Variants in LSM12 observed in about 807,000 individuals in gnomAD.
LSM12 encodes the protein LSM12 homolog.
For missense variants in LSM12, 108 were observed against 238.9 expected (o/e 0.45, Z 3.61); for synonymous variants, 74 against 87.3 (o/e 0.85, Z 0.85).
chr17:44,063,680 GAACA>G lies in LSM12; in HGVS notation c.258+117_258+120del, dbSNP rs544376001. 2.7e-4 allele frequency: 318 copies of G among 1,172,522 alleles called. 2 individuals are homozygous for G. In the East Asian group the frequency reaches 7.5e-3, roughly 28 times the overall value. The allele number at this position is 1,172,522 out of a possible 1,614,324, so 72.6% of individuals were successfully genotyped here. ...ACCTACATTTTTTAAAAAGATATCAGAACAAACAATTTTAAGTCAATTTTAAAAA... is the reference window on the plus strand; with the variant it reads ...ACCTACATTTTTTAAAAAGATATCAGAACAATTTTAAGTCAATTTTAAAAA... On this transcript the variant is annotated intron_variant, in intron 2 of 4. Transcript: ENST00000293406.
intron 3 of LSM12, among the ~76,000 whole-genome samples, chr17:44,038,578 C>G (rs1392790666): frequency 1.3e-5 from 2 of 152,100 alleles, no homozygotes; most frequent in Non-Finnish European, 2.9e-5. Context: ...TCGCTTGAAC[C>G]TGGGAGGCAG....
intron 2 of LSM12, 43 bp from the exon 3 acceptor site, chr17:44,040,299 T>C (rs780281750): frequency 1.4e-6 from 2 of 1,467,512 alleles, no homozygotes; most frequent in Non-Finnish European, 1.9e-6. Context: ...AGGATTCATC[T>C]TCATTCTTGC....
intron 2 of LSM12, among the ~76,000 whole-genome samples, chr17:44,058,927 C>G (rs929369526): frequency 2.0e-5 from 3 of 151,878 alleles, no homozygotes; most frequent in African/African-American, 7.3e-5. Context: ...TGAGCGAACC[C>G]TGGAGGTCGA....
chr17:44,062,092 G>A (rs1230905678), intron 2 of LSM12, among the ~76,000 whole-genome samples: 3 of 151,990 alleles, frequency 2.0e-5, no homozygotes, highest in African/African-American at 7.3e-5. Flanking sequence ...CGTGGTGTCG[G>A]GCGCCTGTAG....
At chr17:44,039,365 CTTTTTTTTTTTTT>C (rs35411238) in intron 3 of LSM12, among the ~76,000 whole-genome samples, 4 of 51,056 alleles carry the variant, frequency 7.8e-5, no homozygotes, top group Non-Finnish European at 1.0e-4. Flanking sequence ...AACAAAATGT[CTTTTTTTTTTTTT>C]TTTTTTTTTT....
At position 44,066,359 on chromosome 17, in the gene LSM12, G is replaced by T. The variant is rs962590218; in HGVS notation, c.124+105C>A. The T allele has an allele frequency of 5.1e-6, 7 of 1,381,608 alleles. No homozygotes were observed. In the African/African-American group the frequency reaches 1.1e-4, roughly 21 times the overall value. 85.6% of individuals were successfully genotyped at this position (1,381,608 alleles called of 1,614,324 possible). A position where few individuals can be genotyped will look rare whatever the true frequency, so the allele number is the denominator to read the frequency against. On this transcript the variant is annotated intron_variant, in intron 1 of 4. Transcript: ENST00000293406. ...GCCCCGGGCGCCGCGGTAGCCGGTCGCCCCTAGGCCCGGAGAGAGCCCCAG... is the reference window on the plus strand; with the variant it reads ...GCCCCGGGCGCCGCGGTAGCCGGTCTCCCCTAGGCCCGGAGAGAGCCCCAG...
At position 44,037,543 on chromosome 17, in the gene LSM12, AAGG is replaced by A. The variant is rs1454241707; in HGVS notation, c.369-8_369-6del. On this transcript the variant is annotated splice_region_variant and splice_polypyrimidine_tract_variant and intron_variant, in intron 3 of 4. Coordinates refer to ENST00000293406, the MANE Select transcript of LSM12 (RefSeq NM_001371445.1). ...TGCCATTTACAGTCTTTAATGCTGG[AAGG>A]AGAAGACAGCAGGCGAAATGTAACC... 1.2e-6 allele frequency: 2 copies of A among 1,605,068 alleles called. No homozygotes were observed. Among genetic ancestry groups the A allele is most frequent in the Admixed American group, 1.7e-5 (1 of 58,226 alleles).
intron 3 of LSM12, among the ~76,000 whole-genome samples, chr17:44,038,114 C>T (rs760791486): frequency 1.3e-5 from 2 of 151,890 alleles, no homozygotes; most frequent in African/African-American, 2.4e-5. Flanking sequence ...TTTGGGAGGC[C>T]GAGGTGGGTA....
At chr17:44,048,294 C>G (rs973674283) in intron 2 of LSM12, among the ~76,000 whole-genome samples, 2 of 151,768 alleles carry the variant, frequency 1.3e-5, no homozygotes, top group Admixed American at 6.6e-5. Context: ...CCAGCCTGGT[C>G]AACATAGCGA....
chr17:44,066,366 G>A (rs886073282), intron 1 of LSM12, 98 bp downstream of exon 1: 12 of 1,453,752 alleles, frequency 8.3e-6, no homozygotes, highest in African/African-American at 3.0e-5. Context: ...GTCGCCCCTA[G>A]GCCCGGAGAG....
chr17:44,050,275 A>AT (rs113687461), intron 2 of LSM12, among the ~76,000 whole-genome samples: 22,308 of 137,212 alleles, frequency 0.16, 2,816 homozygotes, highest in East Asian at 0.72. Flanking sequence ...TAATTTTTGT[A>AT]TTTTTTTTTT....
upstream of LSM12, chr17:44,066,707 T>A (rs1182394077): frequency 8.4e-7 from 1 of 1,196,976 alleles, no homozygotes; most frequent in Non-Finnish European, 1.1e-6. Flanking sequence ...CGCCGGGGCG[T>A]GGCCTGGCGC....
intron 1 of LSM12, among the ~76,000 whole-genome samples, chr17:44,064,474 T>A (rs2049842160): frequency 6.6e-6 from 1 of 152,154 alleles, no homozygotes. Flanking sequence ...GGCTCACGCC[T>A]GTAATCTCAA....
intron 1 of LSM12, 91 bp from the exon 2 acceptor site, chr17:44,064,025 G>A: frequency 6.8e-7 from 1 of 1,461,300 alleles, no homozygotes; most frequent in South Asian, 1.3e-5. Context: ...ATTCACACAA[G>A]GCTTGTAAAA....
At chr17:44,064,801 C>T (rs1487712835) in intron 1 of LSM12, among the ~76,000 whole-genome samples, 1 of 151,688 alleles carries the variant, frequency 6.6e-6, no homozygotes, top group Admixed American at 6.6e-5. Context: ...TGTAAAAGGT[C>T]TTATTTCTTC....
At chr17:44,055,156 A>G (rs2049694610) in intron 2 of LSM12, among the ~76,000 whole-genome samples, 2 of 152,060 alleles carry the variant, frequency 1.3e-5, no homozygotes, top group South Asian at 2.1e-4. Flanking sequence ...AGCCAGAAAC[A>G]TTTTTTAACT....
chr17:44,059,008 A>C (rs2049759393), intron 2 of LSM12, among the ~76,000 whole-genome samples: 1 of 152,128 alleles, frequency 6.6e-6, no homozygotes, highest in Non-Finnish European at 1.5e-5. Flanking sequence ...CTAAAAAGAA[A>C]CAAAACAACC....
intron 1 of LSM12, 85 bp from the exon 2 acceptor site, chr17:44,064,019 A>C: frequency 6.7e-7 from 1 of 1,485,216 alleles, no homozygotes; most frequent in Non-Finnish European, 9.2e-7. Flanking sequence ...AACACGATTC[A>C]CACAAGGCTT....
intron 3 of LSM12, among the ~76,000 whole-genome samples, chr17:44,038,255 G>A (rs536278686): frequency 2.4e-4 from 37 of 151,716 alleles, no homozygotes; most frequent in African/African-American, 8.5e-4. Context: ...TCCGGGGGCT[G>A]AGGTGGGAGA....
Sources: gnomAD v4.1 joint callset for allele counts (sites outside exome capture counted in the v4.1 genomes callset) on GRCh38, gnomAD v4.1.1 for gene constraint, MANE v1.5 for transcripts, NCBI Gene and HGNC (gene_info 2026-07-23, HGNC 2026-07-21) for gene names.